The following AMOTL1 variants were observed in gnomAD, a reference collection of about 807,000 sequenced individuals.
The protein encoded by AMOTL1 is angiomotin like 1, also known as angiomotin-like protein 1.
Under a neutral mutation model 102.9 loss-of-function variants are expected in AMOTL1, and 45 were observed. The ratio of observed to expected loss-of-function variants is 0.44; its 90% CI spans 0.34 to 0.56. The LOEUF is 0.56. Among genes scored for constraint, AMOTL1 ranks in the 20% least tolerant of loss-of-function variants. AMOTL1 has a pLI of 0.01. For missense variants in AMOTL1, 1,114 were observed against 1,225.6 expected, an observed-to-expected ratio of 0.91 and a Z score of 1.36; for synonymous variants, 481 against 484.7, an observed-to-expected ratio of 0.99 and a Z score of 0.10.
chr11:94,773,060 G>A (rs1950977546), intron 1 of AMOTL1, among the ~76,000 whole-genome samples: 1 of 152,050 alleles, frequency 6.6e-6, no homozygotes, highest in African/African-American at 2.4e-5. Context: ...TCCCTAACTG[G>A]ATTATTTATT....
intron 6 of AMOTL1, among the ~76,000 whole-genome samples, chr11:94,847,777 G>A (rs1425538858): frequency 1.3e-5 from 2 of 151,322 alleles, no homozygotes; most frequent in Admixed American, 1.3e-4. Context: ...GGAGGGGGTG[G>A]GGTGTTTGTT....
At chr11:94,839,748 A>G (rs1952258757) in intron 6 of AMOTL1, among the ~76,000 whole-genome samples, 1 of 152,182 alleles carries the variant, frequency 6.6e-6, no homozygotes, top group African/African-American at 2.4e-5. Context: ...CAAAAGGTCA[A>G]TTTTGTCGGC....
chr11:94,806,561 A>G (rs1048777983), intron 3 of AMOTL1, among the ~76,000 whole-genome samples: 1 of 152,198 alleles, frequency 6.6e-6, no homozygotes, highest in African/African-American at 2.4e-5. Flanking sequence ...CCAGCTAAAC[A>G]TGTGTTTTGA....
chr11:94,745,941 C>G (rs149437329), intron 3 of AMOTL1, among the ~76,000 whole-genome samples: 129 of 152,236 alleles, frequency 8.5e-4, no homozygotes, highest in African/African-American at 3.0e-3. Context: ...TTTAGTGATT[C>G]GTCCCTGGAG....
chr11:94,870,715 C>A lies in AMOTL1; in HGVS notation c.2791C>A (p.Pro931Thr), dbSNP rs2135747624. 1 of 1,603,040 alleles carries A rather than the reference C, an allele frequency of 6.2e-7. No individual in the cohort carries two copies. Among genetic ancestry groups the A allele is most frequent in the East Asian group, 2.2e-5 (1 of 44,670 alleles). ...GAACTCTCCTGGCCATGGGAAGTCG[C>A]CTGACCACAGAGGCCGGGTCAGCAG... is the stretch of plus-strand genomic sequence containing the variant. ...LENSPGHGKS[P>T]DHRGRVSSLL... Residue 931 changes from proline to threonine, a missense_variant, in exon 13 of 13, where the codon CCT becomes ACT. Coordinates refer to ENST00000433060, the MANE Select transcript of AMOTL1 (RefSeq NM_130847.3).
At chr11:94,763,966 C>G (rs1950825420), upstream of AMOTL1, among the ~76,000 whole-genome samples, 1 of 152,150 alleles carries the variant, frequency 6.6e-6, no homozygotes, top group Non-Finnish European at 1.5e-5. Context: ...TTTATTAACT[C>G]TGGGGTTGAT....
intron 8 of AMOTL1, 144 bp downstream of exon 8, chr11:94,854,226 C>T (rs1351467715): frequency 2.7e-6 from 3 of 1,108,540 alleles, no homozygotes; most frequent in Non-Finnish European, 3.7e-6. Context: ...TGAACCCATA[C>T]AACAACCAGG....
intron 2 of AMOTL1, among the ~76,000 whole-genome samples, chr11:94,734,010 C>A (rs1950397140): frequency 6.6e-6 from 1 of 152,192 alleles, no homozygotes; most frequent in Admixed American, 6.5e-5. Flanking sequence ...GAACGCAGTG[C>A]AGGAATGGGA....
In AMOTL1 at chr11:94,800,134, T is replaced by G. The variant is rs767848498; in HGVS notation, c.944T>G (p.Phe315Cys). ...DPRGPPPEYP[F>C]KTKQMMSPVS... Reference sequence around the variant, plus strand: ...CGGGGTCCTCCACCTGAGTACCCCTTCAAGACCAAGCAAATGATGTCCCCA... The same window carrying G: ...CGGGGTCCTCCACCTGAGTACCCCTGCAAGACCAAGCAAATGATGTCCCCA... The change falls in exon 3 of 13, where the codon TTC (phenylalanine) becomes TGC (cysteine). Residue 315 changes from phenylalanine (F) to cysteine (C), a missense_variant. By Grantham distance (205) the Phe-to-Cys change is radical (BLOSUM62 -2). Transcript: ENST00000433060. 1 of 1,613,892 alleles carries G rather than the reference T, an allele frequency of 6.2e-7. No individual in the cohort carries two copies. Among genetic ancestry groups the G allele is most frequent in the South Asian group, 1.1e-5 (1 of 91,076 alleles).
chr11:94,771,259 T>TGGGGGGGGGGGG (rs10692853), intron 1 of AMOTL1, among the ~76,000 whole-genome samples: 1 of 96,850 alleles, frequency 1.0e-5, no homozygotes. Context: ...TTGGCGGGGT[T>TGGGGGGGGGGGG]GGGGGGGGGG....
intron 3 of AMOTL1, among the ~76,000 whole-genome samples, chr11:94,750,593 C>T (rs565535429): frequency 3.3e-5 from 5 of 152,264 alleles, no homozygotes; most frequent in Admixed American, 3.3e-4. Context: ...CTGACAGGGG[C>T]GTCCCTATCC....
intron 12 of AMOTL1, 144 bp from the exon 13 acceptor site, chr11:94,870,545 A>G: frequency 5.2e-6 from 3 of 572,166 alleles, no homozygotes; most frequent in Non-Finnish European, 9.2e-6. Flanking sequence ...GCATGTTCCC[A>G]CTGTGGGCTG....
In AMOTL1 at chr11:94,800,035, C is replaced by A. The variant is rs373426236; in HGVS notation, c.845C>A (p.Ser282Ter). 1 of 1,613,904 alleles carries A rather than the reference C, an allele frequency of 6.2e-7. No individual in the cohort carries two copies. Among genetic ancestry groups the A allele is most frequent in the Non-Finnish European group, 8.5e-7 (1 of 1,179,890 alleles). Residue 282 changes from serine to a stop codon, truncating the protein, a stop_gained, in exon 3 of 13, where the codon TCG (serine) becomes TAG (stop). Coordinates refer to ENST00000433060, the MANE Select transcript of AMOTL1 (RefSeq NM_130847.3). LOFTEE classifies it high-confidence loss of function. Reference sequence around the variant, plus strand: ...GGGGCCAAGCAACACCTTCCCGGCTCGGGGAATGGAAAGGGCTTCAAAGTA... The same window carrying A: ...GGGGCCAAGCAACACCTTCCCGGCTAGGGGAATGGAAAGGGCTTCAAAGTA... ...RNGAKQHLPG[S>*]GNGKGFKVGG...
chr11:94,771,262 G>GGT lies in AMOTL1; in HGVS notation c.49+2703_49+2704insTG, dbSNP rs1555067552. Among the ~76,000 whole-genome samples the GGT allele has an allele frequency of 6.8e-5, 10 of 146,654 alleles. 1 individual carries two copies. Among genetic ancestry groups the GGT allele is most frequent in the East Asian group, 4.1e-4 (2 of 4,870 alleles). ...TTTCTTTTCTTTTTGGCGGGGTTGGGGGGGGGGTGCGGTGTGTGGCTATCT... is the reference window on the plus strand; with the variant it reads ...TTTCTTTTCTTTTTGGCGGGGTTGGGGTGGGGGGGTGCGGTGTGTGGCTATCT... On this transcript the variant is annotated intron_variant, in intron 1 of 12. Coordinates refer to ENST00000433060, the MANE Select transcript of AMOTL1 (RefSeq NM_130847.3).
At chr11:94,738,393 G>A (rs1262826801) in intron 2 of AMOTL1, among the ~76,000 whole-genome samples, 1 of 152,008 alleles carries the variant, frequency 6.6e-6, no homozygotes, top group Non-Finnish European at 1.5e-5. Context: ...GAGTAGCTGG[G>A]ATTACAGACA....
chr11:94,768,515 T>TG lies in AMOTL1; in HGVS notation c.6dup (p.Arg3GlufsTer10). The TG allele has an allele frequency of 6.2e-7, 1 of 1,601,194 alleles. No individual in the cohort carries two copies. The highest frequency in any genetic ancestry group is 8.5e-7 in the Non-Finnish European group (1 of 1,174,408). On this transcript the variant is annotated frameshift_variant, in exon 1 of 13. Transcript: ENST00000433060. LOFTEE classifies it high-confidence loss of function. ...CTGAACTAGCCATGATCGCCTCATG[T>TG]GGAGGGCAAAGTTGCGCCGGGGAAC...
chr11:94,856,473 G>A (rs1203119896), intron 8 of AMOTL1, among the ~76,000 whole-genome samples: 1 of 152,084 alleles, frequency 6.6e-6, no homozygotes, highest in Non-Finnish European at 1.5e-5. Flanking sequence ...CAGCTCTGCT[G>A]GTCTCACCAG....
chr11:94,793,246 G>A (rs1230084560), intron 1 of AMOTL1, among the ~76,000 whole-genome samples: 4 of 152,154 alleles, frequency 2.6e-5, no homozygotes, highest in African/African-American at 7.2e-5. Flanking sequence ...CACTTTCTTT[G>A]ATCGAAGCAT....
chr11:94,741,476 A>G lies in AMOTL1; in HGVS notation c.136+488A>G, dbSNP rs113182560. ...CTGAAAACGGCGGTGTAATCATTAA[A>G]CTGTAAGACCTAGGAGCTGCTTCCC... is the stretch of plus-strand genomic sequence containing the variant. On this transcript the variant is annotated intron_variant, in intron 3 of 4. Coordinates refer to the AMOTL1 transcript ENST00000299004. Among the ~76,000 whole-genome samples the G allele has an allele frequency of 8.1e-3, 1,234 of 152,088 alleles. 19 individuals carry two copies. The highest frequency in any genetic ancestry group is 0.028 in the African/African-American group (1,162 of 41,498).
Sources: gnomAD v4.1 joint callset for allele counts (sites outside exome capture counted in the v4.1 genomes callset) on GRCh38, gnomAD v4.1.1 for gene constraint, MANE v1.5 for transcripts, NCBI Gene and HGNC (gene_info 2026-07-23, HGNC 2026-07-21) for gene names.